The following RUNX2 variants were observed in gnomAD, a reference collection of about 807,000 sequenced individuals.
The protein encoded by RUNX2 is RUNX family transcription factor 2.
Under a neutral mutation model 51.7 loss-of-function variants are expected in RUNX2, and 10 were observed. The observed-to-expected ratio is 0.19, with a 90% CI of 0.12 to 0.33. RUNX2 has a LOEUF of 0.33. RUNX2 is among the 10% of genes least tolerant of loss of function. The pLI, the probability that RUNX2 is intolerant of heterozygous loss-of-function variation, is 1.00. For synonymous variants in RUNX2, 276 were observed against 273.6 expected, an observed-to-expected ratio of 1.01 and a Z score of -0.09; for missense variants, 562 against 691.3, an observed-to-expected ratio of 0.81 and a Z score of 2.10.
At chr6:45,365,040 C>G (rs1363483236) in intron 2 of RUNX2, among the ~76,000 whole-genome samples, 1 of 152,130 alleles carries the variant, frequency 6.6e-6, no homozygotes, top group Middle Eastern at 3.2e-3. Flanking sequence ...AATTTTGCCT[C>G]TACATATGGC....
intron 4 of RUNX2, among the ~76,000 whole-genome samples, chr6:45,433,961 G>A (rs9463087): frequency 0.088 from 13,438 of 152,224 alleles, 833 homozygotes; most frequent in African/African-American, 0.18. Flanking sequence ...GGGACTTGGT[G>A]GAGGATCTGA....
At chr6:45,485,720 C>A (rs867320987) in intron 5 of RUNX2, among the ~76,000 whole-genome samples, 1 of 62,896 alleles carries the variant, frequency 1.6e-5, no homozygotes, top group Non-Finnish European at 3.8e-5. Context: ...TATATATACA[C>A]ATATTTAGCA....
chr6:45,454,501 G>GA (rs1799265364), intron 5 of RUNX2, among the ~76,000 whole-genome samples: 1 of 152,178 alleles, frequency 6.6e-6, no homozygotes, highest in Admixed American at 6.5e-5. Context: ...TCAACAGGAT[G>GA]AGTCATCTCT....
chr6:45,441,918 C>G (rs1798851358), intron 5 of RUNX2, among the ~76,000 whole-genome samples: 2 of 152,228 alleles, frequency 1.3e-5, no homozygotes, highest in Admixed American at 1.3e-4. Flanking sequence ...TTTCATCCTT[C>G]TATGTTTTCT....
chr6:45,542,531 A>G (rs1008503396), intron 7 of RUNX2, among the ~76,000 whole-genome samples: 55 of 152,308 alleles, frequency 3.6e-4, no homozygotes, highest in East Asian at 1.9e-3. Context: ...CATACCCTTG[A>G]CCTTGGTCTC....
chr6:45,384,258 G>A lies in RUNX2; in HGVS notation c.59-38335G>A, dbSNP rs185943061. 1.7e-3 allele frequency among the ~76,000 whole-genome samples: 251 copies of A among 152,012 alleles called. 2 individuals carry two copies. Among genetic ancestry groups the A allele is most frequent in the African/African-American group, 5.7e-3 (237 of 41,494 alleles). ...TATTATTGTTTTCCAGGGGTGGGGGGAGTGGTTGGGGTTTTTTTTGTTTGT... is the reference window on the plus strand; with the variant it reads ...TATTATTGTTTTCCAGGGGTGGGGGAAGTGGTTGGGGTTTTTTTTGTTTGT... On this transcript the variant is annotated intron_variant, in intron 2 of 8. Coordinates refer to ENST00000647337, the MANE Select transcript of RUNX2 (RefSeq NM_001024630.4).
intron 5 of RUNX2, among the ~76,000 whole-genome samples, chr6:45,442,756 G>C (rs1026139877): frequency 6.6e-6 from 1 of 152,100 alleles, no homozygotes; most frequent in Non-Finnish European, 1.5e-5. Flanking sequence ...CTATTTGTCA[G>C]GCTTGGGGTC....
intron 5 of RUNX2, among the ~76,000 whole-genome samples, chr6:45,441,864 A>G (rs535015633): frequency 2.0e-5 from 3 of 152,372 alleles, no homozygotes; most frequent in Admixed American, 1.3e-4. Flanking sequence ...CTTGCCTATC[A>G]ACACATCTGC....
chr6:45,539,827 C>A (rs1471286724), intron 7 of RUNX2, among the ~76,000 whole-genome samples: 3 of 152,194 alleles, frequency 2.0e-5, no homozygotes, highest in Non-Finnish European at 4.4e-5. Flanking sequence ...GGTTCTTCCT[C>A]TTCATTTGCT....
chr6:45,410,527 C>G (rs1797927686), intron 2 of RUNX2, among the ~76,000 whole-genome samples: 1 of 152,162 alleles, frequency 6.6e-6, no homozygotes, highest in Non-Finnish European at 1.5e-5. Context: ...CATGCCAGAA[C>G]TTATGCTGAC....
intron 6 of RUNX2, among the ~76,000 whole-genome samples, chr6:45,505,361 T>G (rs893799502): frequency 7.2e-6 from 1 of 138,672 alleles, no homozygotes; most frequent in African/African-American, 2.6e-5. Context: ...CTGGGATGCC[T>G]TTTTTTTTTT....
intron 5 of RUNX2, among the ~76,000 whole-genome samples, chr6:45,449,722 A>G (rs1427769687): frequency 6.6e-6 from 1 of 152,226 alleles, no homozygotes; most frequent in Non-Finnish European, 1.5e-5. Context: ...GGACATAGGC[A>G]TGTTTGTTGA....
intron 7 of RUNX2, among the ~76,000 whole-genome samples, chr6:45,516,951 T>G (rs1801348371): frequency 6.6e-6 from 1 of 152,214 alleles, no homozygotes; most frequent in African/African-American, 2.4e-5. Context: ...ACACAGGTTT[T>G]TTTTTTCACT....
chr6:45,394,025 G>T (rs1446087564), intron 2 of RUNX2, among the ~76,000 whole-genome samples: 1 of 151,142 alleles, frequency 6.6e-6, no homozygotes, highest in African/African-American at 2.4e-5. Context: ...CAATTCTCCT[G>T]CCTCAGCCTC....
At chr6:45,505,052 C>T (rs1800919630) in intron 6 of RUNX2, among the ~76,000 whole-genome samples, 1 of 152,184 alleles carries the variant, frequency 6.6e-6, no homozygotes, top group Admixed American at 6.5e-5. Context: ...AGGAAATAGC[C>T]TTTTGTATGC....
intron 4 of RUNX2, among the ~76,000 whole-genome samples, chr6:45,437,649 A>G (rs905259052): frequency 6.6e-6 from 1 of 152,200 alleles, no homozygotes. Context: ...AACCTTCCTC[A>G]AGTGGACCAG....
chr6:45,528,001 C>A (rs1300209224), intron 7 of RUNX2, among the ~76,000 whole-genome samples: 1 of 152,180 alleles, frequency 6.6e-6, no homozygotes, highest in Non-Finnish European at 1.5e-5. Context: ...AAGCCTCAAT[C>A]ATGGCAAAAC....
At chr6:45,518,627 A>G (rs1392567320) in intron 7 of RUNX2, among the ~76,000 whole-genome samples, 1 of 152,144 alleles carries the variant, frequency 6.6e-6, no homozygotes, top group Non-Finnish European at 1.5e-5. Flanking sequence ...ACCTGTGTAC[A>G]TGGTTTGACT....
At chr6:45,349,316 C>A (rs1791558018) in intron 2 of RUNX2, among the ~76,000 whole-genome samples, 1 of 152,130 alleles carries the variant, frequency 6.6e-6, no homozygotes, top group Non-Finnish European at 1.5e-5. Context: ...AATGTGGGTT[C>A]TTTCTTGGCT....
Sources: allele counts gnomAD v4.1 joint callset (sites outside exome capture counted in the v4.1 genomes callset), GRCh38; gene constraint gnomAD v4.1.1; transcripts MANE v1.5; gene names NCBI Gene and HGNC (gene_info 2026-07-23, HGNC 2026-07-21).